The following NIM1K variants were observed in gnomAD, a reference collection of about 807,000 sequenced individuals.
NIM1K encodes serine/threonine-protein kinase NIM1.
NIM1K carries 35 observed loss-of-function variants against 37.1 expected under a neutral mutation model. The ratio of observed to expected loss-of-function variants is 0.94; its 90% CI spans 0.72 to 1.25. The LOEUF (loss-of-function observed/expected upper bound fraction) is 1.25. Ranked by LOEUF, NIM1K falls within the 50% of genes most tolerant of loss-of-function variation. The pLI, the probability that NIM1K is intolerant of heterozygous loss-of-function variation, is 0.00. For synonymous variants in NIM1K, 234 were observed against 206.6 expected (o/e 1.13, Z -1.14); for missense variants, 564 against 548.0 (o/e 1.03, Z -0.29).
intron 1 of NIM1K, among the ~76,000 whole-genome samples, chr5:43,217,758 A>C (rs762853903): frequency 4.8e-5 from 6 of 124,978 alleles, no homozygotes; most frequent in Non-Finnish European, 7.8e-5. Context: ...TCTGTCACCC[A>C]GGCTGGAGTT....
intron 3 of NIM1K, among the ~76,000 whole-genome samples, chr5:43,277,813 TGTGAGA>T (rs1309595179): frequency 6.9e-5 from 10 of 144,000 alleles, no homozygotes; most frequent in African/African-American, 1.6e-4. Flanking sequence ...TGTGTGTGTG[TGTGAGA>T]GAGAGAGAGA....
chr5:43,208,500 G>A (rs1044121451), intron 1 of NIM1K, among the ~76,000 whole-genome samples: 1 of 152,030 alleles, frequency 6.6e-6, no homozygotes, highest in African/African-American at 2.4e-5. Flanking sequence ...CTACTCGGGA[G>A]GCTGAGGCAG....
At position 43,217,708 on chromosome 5, in the gene NIM1K, A is replaced by ATTTT. The variant is rs71608698; in HGVS notation, c.-695+25318_-695+25321dup. ...AAATGTCTATTCAGATCCTCTGTCT[A>ATTTT]TTTTTTTTTTTTTTTTTTTTTTTTG... On this transcript the variant is annotated intron_variant, in intron 1 of 3. Transcript: ENST00000326035. Among the ~76,000 whole-genome samples the ATTTT allele has an allele frequency of 7.2e-4, 67 of 93,616 alleles. 1 individual carries two copies. In the East Asian group the frequency reaches 8.2e-3, roughly 11 times the overall value. 61.4% of individuals were successfully genotyped at this position (93,616 alleles called of 152,430 possible).
At chr5:43,231,796 T>C in intron 1 of NIM1K, 1 of 1,216,438 alleles carries the variant, frequency 8.2e-7, no homozygotes, top group South Asian at 1.2e-5. Flanking sequence ...AGCAGCACCT[T>C]TGTGACGTTT....
chr5:43,216,455 T>C (rs1752300966), intron 1 of NIM1K, among the ~76,000 whole-genome samples: 1 of 152,240 alleles, frequency 6.6e-6, no homozygotes, highest in African/African-American at 2.4e-5. Flanking sequence ...GTGCGTTTCA[T>C]ATCTTTTGGT....
intron 1 of NIM1K, chr5:43,207,551 G>T (rs1752135456): frequency 2.9e-6 from 2 of 695,340 alleles, no homozygotes; most frequent in Non-Finnish European, 5.5e-6. Context: ...TCCAGAAGAA[G>T]ATTCCACATG....
At chr5:43,260,446 T>C (rs1403022983) in intron 2 of NIM1K, among the ~76,000 whole-genome samples, 1 of 152,238 alleles carries the variant, frequency 6.6e-6, no homozygotes, top group Non-Finnish European at 1.5e-5. Flanking sequence ...AAAGCAATGC[T>C]GGGTTTTGTC....
chr5:43,242,280 C>T (rs1752714033), intron 1 of NIM1K, among the ~76,000 whole-genome samples: 1 of 151,862 alleles, frequency 6.6e-6, no homozygotes, highest in Non-Finnish European at 1.5e-5. Flanking sequence ...TACTGTAAAT[C>T]CCAGGGCCTG....
intron 1 of NIM1K, among the ~76,000 whole-genome samples, chr5:43,231,511 A>C (rs1328954320): frequency 6.7e-6 from 1 of 150,168 alleles, no homozygotes; most frequent in Non-Finnish European, 1.5e-5. Flanking sequence ...CCTCTATTAC[A>C]TATTAAATCT....
At chr5:43,244,247 G>A (rs1438253068) in intron 1 of NIM1K, among the ~76,000 whole-genome samples, 1 of 152,196 alleles carries the variant, frequency 6.6e-6, no homozygotes, top group Non-Finnish European at 1.5e-5. Flanking sequence ...CAAAAATCAA[G>A]TTTAACACAT....
At chr5:43,265,967 C>T (rs1029123064) in intron 2 of NIM1K, among the ~76,000 whole-genome samples, 12 of 152,208 alleles carry the variant, frequency 7.9e-5, no homozygotes, top group African/African-American at 2.7e-4. Flanking sequence ...AATGTTGCTG[C>T]CTGATCCTTC....
At position 43,245,765 on chromosome 5, in the gene NIM1K, C is replaced by A; in HGVS notation, c.-11C>A. ...TCTTCGCTGAGATGGAGACGTGAGC[C>A]CCCGTGGACGATGACTGCAGTGTAT... On this transcript the variant is annotated 5_prime_UTR_variant, in exon 2 of 4. Coordinates refer to ENST00000326035, the MANE Select transcript of NIM1K (RefSeq NM_153361.4). The A allele has an allele frequency of 1.3e-6, 2 of 1,559,226 alleles. No homozygotes were observed. The highest frequency in any genetic ancestry group is 1.7e-6 in the Non-Finnish European group (2 of 1,148,372).
chr5:43,277,764 C>T (rs1437224943), intron 3 of NIM1K, among the ~76,000 whole-genome samples: 2 of 150,500 alleles, frequency 1.3e-5, no homozygotes, highest in African/African-American at 4.9e-5. Context: ...CTCTCTCTCC[C>T]CCACCCCCCC....
Position 43,246,076 on chromosome 5 carries a change from C to A in NIM1K, c.292+9C>A. ...TCACTCCCTAACCAAAGGTAGGATCCGACTTCCCAAGGGTCATCCCTGGCA... is the reference window on the plus strand; with the variant it reads ...TCACTCCCTAACCAAAGGTAGGATCAGACTTCCCAAGGGTCATCCCTGGCA... On this transcript the variant is annotated intron_variant, in intron 2 of 3. Coordinates refer to ENST00000326035, the MANE Select transcript of NIM1K (RefSeq NM_153361.4). 6.2e-7 allele frequency: 1 copy of A among 1,600,692 alleles called. No homozygotes were observed.
intron 2 of NIM1K, among the ~76,000 whole-genome samples, chr5:43,251,268 T>G (rs1181616608): frequency 1.3e-5 from 2 of 152,258 alleles, no homozygotes; most frequent in African/African-American, 4.8e-5. Context: ...AAAGTAATTT[T>G]TAAAACATGC....
rs1170280491 is a variant in NIM1K at position 43,271,324 on chromosome 5, C to T, written c.293-5733C>T. 2.6e-5 allele frequency among the ~76,000 whole-genome samples: 4 copies of T among 152,022 alleles called. No homozygotes were observed. The South Asian group carries it at 8.3e-4, about 32-fold the overall frequency. On this transcript the variant is annotated intron_variant, in intron 2 of 3. Coordinates refer to ENST00000326035, the MANE Select transcript of NIM1K (RefSeq NM_153361.4). Reference sequence around the variant, plus strand: ...TTCAATTCTTCAAAGTCAGTCATCTCTGAGGGTGCATATACCCCCAGAGAA... The same window carrying T: ...TTCAATTCTTCAAAGTCAGTCATCTTTGAGGGTGCATATACCCCCAGAGAA...
chr5:43,207,460 G>A (rs569923700), intron 1 of NIM1K: 9 of 766,664 alleles, frequency 1.2e-5, no homozygotes, highest in African/African-American at 8.5e-5. Context: ...ACTGTATTCC[G>A]GTACTGAAGA....
intron 1 of NIM1K, among the ~76,000 whole-genome samples, chr5:43,209,000 G>C (rs763226437): frequency 6.6e-6 from 1 of 152,216 alleles, no homozygotes; most frequent in Non-Finnish European, 1.5e-5. Flanking sequence ...TGGAGAAATT[G>C]AGAAGTGCAA....
chr5:43,195,172 T>A lies in NIM1K; in HGVS notation c.-695+2761T>A, dbSNP rs1321623207. On this transcript the variant is annotated intron_variant, in intron 1 of 3. Coordinates refer to ENST00000326035, the MANE Select transcript of NIM1K (RefSeq NM_153361.4). ...TCATTCTAGAAAAAGGTCTCTAGAA[T>A]TGAAGTTTTAATTTTCAGGAGAAGA... Among the ~76,000 whole-genome samples the A allele has an allele frequency of 3.3e-5, 5 of 152,352 alleles. No homozygotes were observed. In the East Asian group the frequency reaches 9.6e-4, roughly 29 times the overall value.
Sources: allele counts gnomAD v4.1 joint callset (sites outside exome capture counted in the v4.1 genomes callset), GRCh38; gene constraint gnomAD v4.1.1; transcripts MANE v1.5; gene names NCBI Gene and HGNC (gene_info 2026-07-23, HGNC 2026-07-21).